Variants in MIA3 observed in about 807,000 individuals in gnomAD.
MIA3 encodes the protein MIA SH3 domain ER export factor 3.
Under a neutral mutation model 192.4 loss-of-function variants are expected in MIA3, and 90 were observed. That is an observed-to-expected ratio of 0.47 (90% confidence interval 0.39 to 0.56). The LOEUF is 0.56. MIA3 is among the 20% of genes least tolerant of loss of function. MIA3 has a pLI of 0.00. For synonymous variants in MIA3, 740 were observed against 792.8 expected (o/e 0.93, Z 1.12); for missense variants, 2,123 against 2,269.4 (o/e 0.94, Z 1.31).
Position 222,662,134 on chromosome 1 carries a change from C to T in MIA3, c.5182+10C>T, listed in dbSNP as rs377299034. The T allele has an allele frequency of 4.3e-6, 7 of 1,613,058 alleles. No individual in the cohort carries two copies. The highest frequency in any genetic ancestry group is 1.1e-5 in the South Asian group (1 of 91,040). Reference sequence around the variant, plus strand: ...AAACCCTCTCCTTCTGGTAAGGGAGCAAGAGTGTTCAAAGAGTCTAAAACC... The same window carrying T: ...AAACCCTCTCCTTCTGGTAAGGGAGTAAGAGTGTTCAAAGAGTCTAAAACC... On this transcript the variant is annotated intron_variant, in intron 25 of 27. Transcript: ENST00000344922.
intron 6 of MIA3, among the ~76,000 whole-genome samples, chr1:222,640,740 G>A (rs1355943060): frequency 1.3e-5 from 2 of 152,056 alleles, no homozygotes; most frequent in Admixed American, 6.6e-5. Context: ...GATTCATAAA[G>A]GAGAAATTTG....
intron 8 of MIA3, 108 bp downstream of exon 8, chr1:222,648,958 A>T: frequency 1.4e-6 from 1 of 728,228 alleles, no homozygotes; most frequent in Non-Finnish European, 2.3e-6. Context: ...TGACTGACTT[A>T]TAGCTTCTGA....
chr1:222,625,251 C>T (rs111269984), intron 3 of MIA3, among the ~76,000 whole-genome samples: 2,352 of 152,212 alleles, frequency 0.015, 61 homozygotes, highest in African/African-American at 0.053. Flanking sequence ...ATGATCCGCC[C>T]GCCTCAGCCT....
chr1:222,632,321 A>C lies in MIA3; in HGVS notation c.3326A>C (p.Asp1109Ala), dbSNP rs925643445. 2 of 1,612,116 alleles carry C rather than the reference A, an allele frequency of 1.2e-6. No individual in the cohort carries two copies. The highest frequency in any genetic ancestry group is 2.7e-5 in the African/African-American group (2 of 74,702). ...SQKPNTEKDLDPGPVTTEDTP... is the reference protein window; with the variant it reads ...SQKPNTEKDLAPGPVTTEDTP... ...AAGCCAAATACTGAGAAAGACCTGGACCCAGGTAAAGCCTGCTAATTTTTT... is the reference window on the plus strand; with the variant it reads ...AAGCCAAATACTGAGAAAGACCTGGCCCCAGGTAAAGCCTGCTAATTTTTT... The change falls in exon 5 of 28, where the codon GAC (aspartate) becomes GCC (alanine). Residue 1109 changes from aspartate (D) to alanine (A), a missense_variant. Asp to Ala is a moderately radical substitution (Grantham distance 126). Around this residue, in one of 3 missense-constraint regions of MIA3, gnomAD observed 1,357 missense variants for 1,396.1 expected, o/e 0.97. Transcript: ENST00000344922.
chr1:222,628,044 T>C lies in MIA3; in HGVS notation c.824T>C (p.Leu275Ser). Reference sequence around the variant, plus strand: ...TTGAAAAAAGAAATGACTCTAGACTTGAAAACCAAATTTGGCTCAACAGCT... The same window carrying C: ...TTGAAAAAAGAAATGACTCTAGACTCGAAAACCAAATTTGGCTCAACAGCT... The part of the protein sequence containing the change: ...KLLKKEMTLD[L>S]KTKFGSTADA... Residue 275 changes from leucine (L) to serine (S), a missense_variant, in exon 4 of 28, where the codon TTG (leucine) becomes TCG (serine). Physicochemically the swap from Leu to Ser is moderately radical, Grantham distance 145. This residue lies in a region of MIA3 where 1,357 missense variants were observed against 1,396.1 expected (regional missense o/e 0.97). Transcript: ENST00000344922. The C allele has an allele frequency of 6.2e-7, 1 of 1,614,124 alleles. No individual in the cohort carries two copies. Among genetic ancestry groups the C allele is most frequent in the Non-Finnish European group, 8.5e-7 (1 of 1,180,020 alleles).
At chr1:222,645,888 C>A in intron 7 of MIA3, 1 of 442,562 alleles carries the variant, frequency 2.3e-6, no homozygotes, top group Non-Finnish European at 3.9e-6. Flanking sequence ...AGTGGGAAAA[C>A]TTCAGTTTAT....
At position 222,628,142 on chromosome 1, in the gene MIA3, G is replaced by T. The variant is rs773114574; in HGVS notation, c.922G>T (p.Asp308Tyr). 1 of 1,613,930 alleles carries T rather than the reference G, an allele frequency of 6.2e-7. No homozygotes were observed. Among genetic ancestry groups the T allele is most frequent in the Non-Finnish European group, 8.5e-7 (1 of 1,180,002 alleles). The change falls in exon 4 of 28, where the codon GAT becomes TAT. Residue 308 changes from aspartate (D) to tyrosine (Y), a missense_variant. Transcript: ENST00000344922. ...SLEDDFDEEL[D>Y]TEYYAVGKED... ...AGAAGATGATTTTGATGAGGAATTG[G>T]ATACTGAGTATTATGCAGTTGGAAA...
intron 18 of MIA3, 66 bp downstream of exon 18, chr1:222,654,859 G>A: frequency 2.3e-6 from 3 of 1,304,130 alleles, no homozygotes; most frequent in Non-Finnish European, 3.2e-6. Flanking sequence ...TACTAATATA[G>A]ATAATGTTAT....
At chr1:222,641,511 C>A in intron 6 of MIA3, 1 of 497,038 alleles carries the variant, frequency 2.0e-6, no homozygotes, top group South Asian at 1.5e-5. Context: ...TCCTGGAGAG[C>A]TGGTGGATTT....
chr1:222,621,805 G>GTTT, intron 2 of MIA3, among the ~76,000 whole-genome samples: 4 of 102,850 alleles, frequency 3.9e-5, no homozygotes, highest in Admixed American at 9.4e-5. Context: ...GTGCTTTCTT[G>GTTT]TTTGTTTGTT....
chr1:222,632,546 A>G, intron 5 of MIA3, among the ~76,000 whole-genome samples: 1 of 152,210 alleles, frequency 6.6e-6, no homozygotes, highest in East Asian at 1.9e-4. Context: ...TTTGGCTGTC[A>G]CTATCTTGTG....
chr1:222,665,796 C>A lies in MIA3; in HGVS notation c.*177C>A. 1 of 472,818 alleles carries A rather than the reference C, an allele frequency of 2.1e-6. No homozygotes were observed. Among genetic ancestry groups the A allele is most frequent in the Non-Finnish European group, 3.5e-6 (1 of 282,794 alleles). The allele number at this position is 472,818 out of a possible 1,614,324, so 29.3% of individuals were successfully genotyped here. ...AACAATTCAAAAATGTCATTTCTTC[C>A]CTAAATAAAAATCACCTTTTAAGCT... On this transcript the variant is annotated 3_prime_UTR_variant, in exon 28 of 28. Coordinates refer to ENST00000344922, the MANE Select transcript of MIA3 (RefSeq NM_198551.4).
At chr1:222,643,626 A>G (rs1662964705) in intron 6 of MIA3, among the ~76,000 whole-genome samples, 5 of 152,268 alleles carry the variant, frequency 3.3e-5, no homozygotes, top group South Asian at 4.1e-4. Flanking sequence ...CGTGATTTCC[A>G]TACTATTCAT....
chr1:222,633,389 C>T, intron 6 of MIA3, 140 bp downstream of exon 6: 1 of 728,066 alleles, frequency 1.4e-6, no homozygotes. Context: ...TGAAATGAGC[C>T]ACAGGTGTGT....
intron 18 of MIA3, 41 bp downstream of exon 18, chr1:222,654,834 C>G (rs374297474): frequency 4.9e-5 from 77 of 1,558,286 alleles, no homozygotes; most frequent in Non-Finnish European, 6.4e-5. Flanking sequence ...ATTGTCATGT[C>G]AGTAAATAAA....
chr1:222,666,173 C>CTGTT lies in MIA3; in HGVS notation c.*555_*558dup, dbSNP rs1441555404. On this transcript the variant is annotated 3_prime_UTR_variant, in exon 28 of 28. Transcript: ENST00000344922. Reference sequence around the variant, plus strand: ...CCCAAGTGTCTGTTGACTCATTGGACTGTTATGAGGCTTGTGCCATTTGGG... The same window carrying CTGTT: ...CCCAAGTGTCTGTTGACTCATTGGACTGTTTGTTATGAGGCTTGTGCCATTTGGG... The CTGTT allele has an allele frequency of 6.6e-6, 1 of 152,164 alleles. No homozygotes were observed. Among genetic ancestry groups the CTGTT allele is most frequent in the Non-Finnish European group, 1.5e-5 (1 of 68,056 alleles). 9.4% of individuals were successfully genotyped at this position (152,164 alleles called of 1,614,324 possible).
At chr1:222,636,636 C>T (rs1405645042) in intron 6 of MIA3, among the ~76,000 whole-genome samples, 1 of 151,820 alleles carries the variant, frequency 6.6e-6, no homozygotes, top group Non-Finnish European at 1.5e-5. Flanking sequence ...CCTTAGCCTC[C>T]CAAGTAGCTG....
intron 7 of MIA3, among the ~76,000 whole-genome samples, chr1:222,646,523 G>A (rs942031884): frequency 3.3e-5 from 5 of 151,580 alleles, no homozygotes; most frequent in Non-Finnish European, 7.4e-5. Context: ...AGGCGGAGGC[G>A]GGTGGATCAC....
chr1:222,652,430 G>T (rs1663490049), intron 13 of MIA3, 98 bp downstream of exon 13: 5 of 788,370 alleles, frequency 6.3e-6, no homozygotes, highest in South Asian at 1.6e-5. Context: ...GGTAATATAT[G>T]TGCAGGATTC....
Sources: allele counts gnomAD v4.1 joint callset (sites outside exome capture counted in the v4.1 genomes callset), GRCh38; gene constraint gnomAD v4.1.1; regional missense constraint gnomAD v4.1.1; transcripts MANE v1.5; gene names NCBI Gene and HGNC (gene_info 2026-07-23, HGNC 2026-07-21).